Variants in ARL3 observed in about 807,000 individuals in gnomAD.
ARL3 encodes the protein ADP-ribosylation factor-like protein 3.
ARL3 carries 9 observed loss-of-function variants against 26.0 expected under a neutral mutation model. That is an observed-to-expected ratio of 0.35 (90% CI 0.21 to 0.60). The LOEUF (loss-of-function observed/expected upper bound fraction) is 0.60, where lower values mean the gene tolerates loss of function less well. Ranked by LOEUF, ARL3 falls within the 20% of genes least tolerant of loss-of-function variation. The pLI is 0.78. For synonymous variants in ARL3, 71 were observed against 78.4 expected (o/e 0.91, Z 0.50); for missense variants, 158 against 215.7 (o/e 0.73, Z 1.67).
intron 1 of ARL3, among the ~76,000 whole-genome samples, chr10:102,706,234 G>A (rs1029550072): frequency 2.6e-5 from 4 of 152,036 alleles, no homozygotes; most frequent in African/African-American, 7.2e-5. Flanking sequence ...GGCGGATCAC[G>A]AGGTCAGGAG....
chr10:102,675,909 T>C lies in ARL3; in HGVS notation c.*985A>G, dbSNP rs2064128012. 1 of 152,600 alleles carries C rather than the reference T, an allele frequency of 6.6e-6. No individual in the cohort carries two copies. Among genetic ancestry groups the C allele is most frequent in the South Asian group, 2.1e-4 (1 of 4,834 alleles). The allele number at this position is 152,600 out of a possible 1,614,324, so 9.5% of individuals were successfully genotyped here. On this transcript the variant is annotated 3_prime_UTR_variant, in exon 6 of 6. Transcript: ENST00000260746. ...AGGTTCATGGTAAAGCTGCATTTAT[T>C]TCTAAAATCTGATAGCAGCGGCCTA...
At chr10:102,688,499 CTTT>C (rs61629496) in intron 4 of ARL3, among the ~76,000 whole-genome samples, 58 of 92,160 alleles carry the variant, frequency 6.3e-4, no homozygotes, top group Non-Finnish European at 5.3e-4. Flanking sequence ...TTTTAAAAAA[CTTT>C]TTTTTTTTTT....
Position 102,708,902 on chromosome 10 carries a change from A to T in ARL3, c.4-3413T>A, listed in dbSNP as rs1241819980. On this transcript the variant is annotated intron_variant, in intron 1 of 5. Transcript: ENST00000260746. ...AACCATATATTATATATATATATATATATATATTTTTTTTTTTTTTGAGAC... is the reference window on the plus strand; with the variant it reads ...AACCATATATTATATATATATATATTTATATATTTTTTTTTTTTTTGAGAC... Among the ~76,000 whole-genome samples, 10 of 111,580 alleles carry T rather than the reference A, an allele frequency of 9.0e-5. 1 individual carries two copies. The East Asian group carries it at 9.2e-4, about 10-fold the overall frequency. 73.2% of individuals were successfully genotyped at this position (111,580 alleles called of 152,430 possible).
chr10:102,688,505 T>C (rs1212697280), intron 4 of ARL3, among the ~76,000 whole-genome samples: 2 of 150,266 alleles, frequency 1.3e-5, no homozygotes, highest in African/African-American at 4.9e-5. Context: ...AAAACTTTTT[T>C]TTTTTTTTTT....
chr10:102,687,848 T>A (rs1314393166), intron 4 of ARL3, among the ~76,000 whole-genome samples: 1 of 151,900 alleles, frequency 6.6e-6, no homozygotes, highest in African/African-American at 2.4e-5. Context: ...TTTGAGAAAA[T>A]CATTCAAGGG....
chr10:102,706,384 G>A (rs756900242), intron 1 of ARL3, among the ~76,000 whole-genome samples: 3 of 151,922 alleles, frequency 2.0e-5, no homozygotes, highest in South Asian at 2.1e-4. Flanking sequence ...CCTGGGAGGC[G>A]GAGGTTGCAG....
intron 5 of ARL3, among the ~76,000 whole-genome samples, chr10:102,678,705 T>C (rs562111975): frequency 6.6e-6 from 1 of 152,228 alleles, no homozygotes; most frequent in Non-Finnish European, 1.5e-5. Flanking sequence ...GGAGAGATTA[T>C]TGCATATAAC....
At chr10:102,694,050 T>C (rs757332988) in intron 3 of ARL3, among the ~76,000 whole-genome samples, 1 of 151,710 alleles carries the variant, frequency 6.6e-6, no homozygotes, top group African/African-American at 2.4e-5. Flanking sequence ...TGCAGTGGTG[T>C]GATCTCGGCT....
intron 3 of ARL3, among the ~76,000 whole-genome samples, chr10:102,694,541 T>C (rs913614521): frequency 2.6e-5 from 4 of 152,208 alleles, no homozygotes; most frequent in Non-Finnish European, 5.9e-5. Context: ...TAGATTCTTT[T>C]TTTTTTGCAT....
At chr10:102,704,506 G>A (rs1480505678) in intron 2 of ARL3, among the ~76,000 whole-genome samples, 3 of 152,034 alleles carry the variant, frequency 2.0e-5, no homozygotes, top group Admixed American at 2.0e-4. Context: ...GGGCCATGGC[G>A]GTGTGCGCCT....
At chr10:102,685,631 C>G (rs1298938837) in intron 5 of ARL3, among the ~76,000 whole-genome samples, 185 bp downstream of exon 5, 3 of 152,140 alleles carry the variant, frequency 2.0e-5, no homozygotes, top group Admixed American at 2.0e-4. Context: ...GGTGGCTTAC[C>G]TGGGGCACTG....
intron 3 of ARL3, among the ~76,000 whole-genome samples, chr10:102,693,406 A>T (rs1461747030): frequency 1.3e-5 from 2 of 152,126 alleles, no homozygotes; most frequent in African/African-American, 4.8e-5. Flanking sequence ...AATATGTAGT[A>T]CCATATTATT....
chr10:102,698,016 G>T (rs1388076235), intron 3 of ARL3, among the ~76,000 whole-genome samples: 1 of 152,114 alleles, frequency 6.6e-6, no homozygotes, highest in African/African-American at 2.4e-5. Flanking sequence ...ATAAAGGGAG[G>T]CTGAGGAATG....
intron 5 of ARL3, among the ~76,000 whole-genome samples, chr10:102,677,869 C>G (rs1170746415): frequency 6.6e-6 from 1 of 152,156 alleles, no homozygotes; most frequent in Non-Finnish European, 1.5e-5. Flanking sequence ...CCAGCTACAT[C>G]TGCACACATC....
intron 5 of ARL3, among the ~76,000 whole-genome samples, chr10:102,677,243 C>A (rs1213483009): frequency 1.3e-5 from 2 of 152,192 alleles, no homozygotes; most frequent in Non-Finnish European, 2.9e-5. Context: ...GCATCCAAAG[C>A]CTGACTGAAG....
chr10:102,709,028 C>T (rs1281452009), intron 1 of ARL3, among the ~76,000 whole-genome samples: 3 of 150,532 alleles, frequency 2.0e-5, no homozygotes, highest in Non-Finnish European at 3.0e-5. Flanking sequence ...CCTCAGCCTC[C>T]GGAGTAGCTG....
chr10:102,687,941 ATG>A (rs1004027506), intron 4 of ARL3, among the ~76,000 whole-genome samples: 39 of 151,520 alleles, frequency 2.6e-4, no homozygotes, highest in African/African-American at 9.2e-4. Flanking sequence ...GTGTGTGTGT[ATG>A]TGTGTGTGTG....
intron 4 of ARL3, among the ~76,000 whole-genome samples, chr10:102,687,413 A>AT (rs1564729755): frequency 1.3e-5 from 2 of 151,364 alleles, no homozygotes; most frequent in African/African-American, 2.4e-5. Flanking sequence ...TTAAAAAAAA[A>AT]TTTTTTTTGG....
At position 102,677,090 on chromosome 10, in the gene ARL3, G is replaced by C. The variant is rs538013341; in HGVS notation, c.502-149C>G. The C allele has an allele frequency of 4.1e-5, 33 of 800,148 alleles. No homozygotes were observed. In the African/African-American group the frequency reaches 5.2e-4, roughly 13 times the overall value. The allele number at this position is 800,148 out of a possible 1,614,324, so 49.6% of individuals were successfully genotyped here. On this transcript the variant is annotated intron_variant, in intron 5 of 5. Coordinates refer to ENST00000260746, the MANE Select transcript of ARL3 (RefSeq NM_004311.4). Reference sequence around the variant, plus strand: ...TTTGCTTGGCTCAGGGGCCCACCTGGGTGACCAGGGACAGTGACCTCCCAG... The same window carrying C: ...TTTGCTTGGCTCAGGGGCCCACCTGCGTGACCAGGGACAGTGACCTCCCAG...
Sources: allele counts gnomAD v4.1 joint callset (sites outside exome capture counted in the v4.1 genomes callset), GRCh38; gene constraint gnomAD v4.1.1; transcripts MANE v1.5; gene names NCBI Gene and HGNC (gene_info 2026-07-23, HGNC 2026-07-21).